Variants in FAM227A observed in about 807,000 individuals in gnomAD.
The protein encoded by FAM227A is family with sequence similarity 227 member A.
In FAM227A, 80 loss-of-function variants were observed where a neutral mutation model predicts 74.7. The observed-to-expected ratio is 1.07, with a 90% confidence interval of 0.89 to 1.29. The LOEUF (loss-of-function observed/expected upper bound fraction) is 1.29. Ranked by LOEUF, FAM227A falls within the 50% of genes most tolerant of loss-of-function variation. The pLI, the probability that FAM227A is intolerant of heterozygous loss-of-function variation, is 0.00. For synonymous variants in FAM227A, 237 were observed against 241.8 expected, an observed-to-expected ratio of 0.98 and a Z score of 0.19; for missense variants, 654 against 683.4, an observed-to-expected ratio of 0.96 and a Z score of 0.48.
At position 38,644,038 on chromosome 22, in the gene FAM227A, C is replaced by T. The variant is rs182256134; in HGVS notation, c.225+1525G>A. ...GGCGGGCGCCTGTAGTTCCAGCTAT[C>T]GGGAGGCTGAGGCAGGAGAATGGTG... On this transcript the variant is annotated intron_variant, in intron 3 of 16. Coordinates refer to ENST00000535113, the MANE Select transcript of FAM227A (RefSeq NM_001013647.2). Among the ~76,000 whole-genome samples, 1,370 of 147,966 alleles carry T rather than the reference C, an allele frequency of 9.3e-3. 13 individuals are homozygous for T. Among genetic ancestry groups the T allele is most frequent in the African/African-American group, 0.032 (1,287 of 39,906 alleles).
chr22:38,595,814 T>C (rs567625378), intron 15 of FAM227A, among the ~76,000 whole-genome samples: 19 of 152,230 alleles, frequency 1.2e-4, no homozygotes, highest in Admixed American at 7.8e-4. Flanking sequence ...TTAACTTGAA[T>C]CTAATCAAAC....
intron 12 of FAM227A, among the ~76,000 whole-genome samples, chr22:38,607,054 G>A (rs1025488285): frequency 1.3e-5 from 2 of 151,962 alleles, no homozygotes; most frequent in African/African-American, 4.8e-5. Flanking sequence ...GCGCACGCCT[G>A]TAGTCCCAGC....
At chr22:38,621,925 C>CA (rs978571691) in intron 10 of FAM227A, among the ~76,000 whole-genome samples, 1 of 152,152 alleles carries the variant, frequency 6.6e-6, no homozygotes, top group Non-Finnish European at 1.5e-5. Flanking sequence ...GAATCCCCCC[C>CA]ACTGCAGTGC....
intron 13 of FAM227A, among the ~76,000 whole-genome samples, chr22:38,600,333 T>TAA (rs1491521681): frequency 1.4e-4 from 21 of 150,518 alleles, no homozygotes; most frequent in Admixed American, 6.0e-4. Flanking sequence ...TATATATATA[T>TAA]AATTTTATTT....
At chr22:38,602,255 T>C (rs1157457287) in intron 13 of FAM227A, among the ~76,000 whole-genome samples, 1 of 152,220 alleles carries the variant, frequency 6.6e-6, no homozygotes, top group African/African-American at 2.4e-5. Flanking sequence ...GGCTCTCCTG[T>C]GCACTGTAGG....
At position 38,639,737 on chromosome 22, in the gene FAM227A, A is replaced by T; in HGVS notation, c.226-13T>A. Reference sequence around the variant, plus strand: ...ATCTCTCAATTGCCTTCAAAAACCAAGAAAAAGGGGGGCATTAGGGATTAA... The same window carrying T: ...ATCTCTCAATTGCCTTCAAAAACCATGAAAAAGGGGGGCATTAGGGATTAA... On this transcript the variant is annotated splice_polypyrimidine_tract_variant and intron_variant, in intron 3 of 16. Transcript: ENST00000535113. 1 of 1,517,330 alleles carries T rather than the reference A, an allele frequency of 6.6e-7. No individual in the cohort carries two copies. The highest frequency in any genetic ancestry group is 9.0e-7 in the Non-Finnish European group (1 of 1,115,658). 94.0% of individuals were successfully genotyped at this position (1,517,330 alleles called of 1,614,324 possible). A position where few individuals can be genotyped will look rare whatever the true frequency, so the allele number is the denominator to read the frequency against.
intron 8 of FAM227A, 101 bp from the exon 9 acceptor site, chr22:38,626,404 G>A (rs1603001113): frequency 3.1e-6 from 4 of 1,302,530 alleles, no homozygotes; most frequent in South Asian, 1.6e-5. Context: ...TATAGTTTTT[G>A]TTGTTGTTGT....
rs549211594 is a variant in FAM227A at position 38,605,174 on chromosome 22, T to C, written c.1221+80A>G. The C allele has an allele frequency of 3.6e-5, 29 of 800,522 alleles. No individual in the cohort carries two copies. In the African/African-American group the frequency reaches 4.6e-4, roughly 13 times the overall value. The allele number at this position is 800,522 out of a possible 1,614,324, so 49.6% of individuals were successfully genotyped here. A position where few individuals can be genotyped will look rare whatever the true frequency, so the allele number is the denominator to read the frequency against. On this transcript the variant is annotated intron_variant, in intron 13 of 16. Transcript: ENST00000535113. ...TGGCATATAGTAAATATTCATTAAATGTTAATTATCATTTTCTTACCACAC... is the reference window on the plus strand; with the variant it reads ...TGGCATATAGTAAATATTCATTAAACGTTAATTATCATTTTCTTACCACAC...
intron 5 of FAM227A, among the ~76,000 whole-genome samples, chr22:38,636,854 C>T (rs551821943): frequency 1.2e-3 from 187 of 151,014 alleles, no homozygotes; most frequent in Non-Finnish European, 1.9e-3. Flanking sequence ...TCACTGCAAC[C>T]TCTGCCTCCT....
At chr22:38,650,998 T>A (rs1459782099) in intron 1 of FAM227A, among the ~76,000 whole-genome samples, 1 of 152,186 alleles carries the variant, frequency 6.6e-6, no homozygotes, top group African/African-American at 2.4e-5. Flanking sequence ...TGAACTCAAA[T>A]GCCCTTTCAC....
chr22:38,638,189 C>G (rs1280084723), intron 5 of FAM227A, among the ~76,000 whole-genome samples: 1 of 152,030 alleles, frequency 6.6e-6, no homozygotes, highest in Non-Finnish European at 1.5e-5. Flanking sequence ...AAATAAAGAA[C>G]AAGCCAAGGA....
intron 15 of FAM227A, among the ~76,000 whole-genome samples, chr22:38,595,780 G>A (rs1029774964): frequency 5.9e-5 from 9 of 152,148 alleles, no homozygotes; most frequent in South Asian, 4.1e-4. Flanking sequence ...AACATCACCT[G>A]TGAAAGATTT....
intron 8 of FAM227A, among the ~76,000 whole-genome samples, chr22:38,626,865 CAAAAAAAAAAA>C (rs67498232): frequency 1.2e-4 from 2 of 16,798 alleles, no homozygotes; most frequent in Non-Finnish European, 1.8e-4. Flanking sequence ...GACTCTGTCT[CAAAAAAAAAAA>C]AAAAAAAAAA....
intron 11 of FAM227A, among the ~76,000 whole-genome samples, chr22:38,619,530 AC>A (rs1158433811): frequency 4.6e-5 from 7 of 152,018 alleles, no homozygotes; most frequent in Non-Finnish European, 8.8e-5. Flanking sequence ...CACCATGTGG[AC>A]CAGACTGGTC....
Position 38,628,300 on chromosome 22 carries a change from G to A in FAM227A, c.664C>T (p.Gln222Ter). 6.4e-7 allele frequency: 1 copy of A among 1,551,538 alleles called. No homozygotes were observed. The highest frequency in any genetic ancestry group is 1.2e-5 in the South Asian group (1 of 84,060). Residue 222 changes from glutamine (Q) to a stop codon, truncating the protein, a stop_gained, in exon 8 of 17, where the codon CAG (glutamine) becomes TAG (stop). Coordinates refer to ENST00000535113, the MANE Select transcript of FAM227A (RefSeq NM_001013647.2). LOFTEE classifies it high-confidence loss of function. ...LQNNLFDRIA[Q>*]HYALLLFRVP... The stretch of plus-strand genomic sequence containing the variant: ...CGAAACAAAAGTAAGGCATAGTGCT[G>A]GGCTATCCGGTCAAACAGATTATTC...
intron 4 of FAM227A, among the ~76,000 whole-genome samples, 184 bp from the exon 5 acceptor site, chr22:38,639,006 A>G (rs1360905101): frequency 6.6e-6 from 1 of 152,202 alleles, no homozygotes; most frequent in Non-Finnish European, 1.5e-5. Flanking sequence ...GAGAAGCAGC[A>G]AGGAGGAGCA....
At chr22:38,628,572 G>A (rs2091855797) in intron 7 of FAM227A, among the ~76,000 whole-genome samples, 1 of 152,212 alleles carries the variant, frequency 6.6e-6, no homozygotes, top group African/African-American at 2.4e-5. Context: ...TGGCCCAGAA[G>A]TCCTGAGGTC....
chr22:38,605,380 A>G (rs1413183161), intron 12 of FAM227A, 32 bp from the exon 13 acceptor site: 2 of 1,336,004 alleles, frequency 1.5e-6, no homozygotes, highest in Admixed American at 2.0e-5. Context: ...GAAAATGACC[A>G]TTAGGTTCAA....
intron 11 of FAM227A, among the ~76,000 whole-genome samples, chr22:38,616,803 A>C (rs2091587199): frequency 6.6e-6 from 1 of 152,174 alleles, no homozygotes; most frequent in Non-Finnish European, 1.5e-5. Context: ...ATGAAGATGC[A>C]GGAAAGAGGG....
Sources: gnomAD v4.1 joint callset for allele counts (sites outside exome capture counted in the v4.1 genomes callset) on GRCh38, gnomAD v4.1.1 for gene constraint, MANE v1.5 for transcripts, NCBI Gene and HGNC (gene_info 2026-07-23, HGNC 2026-07-21) for gene names.